Variants in KIF26B observed in about 807,000 individuals in gnomAD.
The protein encoded by KIF26B is kinesin family member 26B.
In KIF26B, 63 loss-of-function variants were observed where a neutral mutation model predicts 151.2. The ratio of observed to expected loss-of-function variants is 0.42; its 90% CI spans 0.34 to 0.51. The LOEUF (loss-of-function observed/expected upper bound fraction) is 0.51, where lower values mean the gene tolerates loss of function less well. Among genes scored for constraint, KIF26B ranks in the 20% least tolerant of loss-of-function variants. The probability of loss-of-function intolerance (pLI) is 0.07; values close to 1 mark genes in which losing one functional copy is unlikely to be tolerated. For synonymous variants in KIF26B, 1,357 were observed against 1,262.1 expected, an observed-to-expected ratio of 1.08 and a Z score of -1.59; for missense variants, 2,813 against 2,913.6, an observed-to-expected ratio of 0.97 and a Z score of 0.79.
At position 245,651,920 on chromosome 1, in the gene KIF26B, G is replaced by A. The variant is rs117441012; in HGVS notation, c.2258+5640G>A. On this transcript the variant is annotated intron_variant, in intron 10 of 14. Transcript: ENST00000407071. ...AAAAGGTAAAAGGGTTTGGGACTGC[G>A]GAGCCATGGCATTGAATTCCCATCT... Among the ~76,000 whole-genome samples the A allele has an allele frequency of 1.2e-3, 187 of 152,198 alleles. 1 individual carries two copies. In the East Asian group the frequency reaches 0.027, roughly 22 times the overall value.
chr1:245,673,471 G>T (rs1019370498), intron 10 of KIF26B, among the ~76,000 whole-genome samples: 4 of 152,232 alleles, frequency 2.6e-5, no homozygotes, highest in Non-Finnish European at 5.9e-5. Flanking sequence ...TTTGCTTAGG[G>T]GGCAGATAGA....
At chr1:245,370,319 G>A (rs1206075889) in intron 3 of KIF26B, among the ~76,000 whole-genome samples, 1 of 151,950 alleles carries the variant, frequency 6.6e-6, no homozygotes, top group East Asian at 1.9e-4. Flanking sequence ...TCCACGCTAT[G>A]GAGATGTCCT....
At chr1:245,500,741 G>C (rs1660603872) in intron 4 of KIF26B, among the ~76,000 whole-genome samples, 1 of 152,248 alleles carries the variant, frequency 6.6e-6, no homozygotes, top group Non-Finnish European at 1.5e-5. Flanking sequence ...AATCAGAGGA[G>C]GAATTCCGAA....
At chr1:245,297,733 G>A (rs1671362974) in intron 2 of KIF26B, among the ~76,000 whole-genome samples, 1 of 152,194 alleles carries the variant, frequency 6.6e-6, no homozygotes, top group African/African-American at 2.4e-5. Context: ...GCTAGTTGAT[G>A]GGAGTGGGAC....
intron 2 of KIF26B, among the ~76,000 whole-genome samples, chr1:245,295,756 T>C (rs567683853): frequency 6.6e-6 from 1 of 152,242 alleles, no homozygotes; most frequent in African/African-American, 2.4e-5. Flanking sequence ...TAAGATATCC[T>C]GTAAGTCCAT....
At chr1:245,657,212 G>A (rs2044084443) in intron 10 of KIF26B, among the ~76,000 whole-genome samples, 1 of 152,096 alleles carries the variant, frequency 6.6e-6, no homozygotes. Flanking sequence ...GCCCTGACAT[G>A]CCCATTTTTC....
At chr1:245,523,156 C>A (rs981345852) in intron 4 of KIF26B, among the ~76,000 whole-genome samples, 1 of 152,198 alleles carries the variant, frequency 6.6e-6, no homozygotes, top group Non-Finnish European at 1.5e-5. Context: ...AGATTTGAAA[C>A]CACACAGTTG....
intron 4 of KIF26B, among the ~76,000 whole-genome samples, chr1:245,466,178 G>T (rs1014006467): frequency 1.1e-5 from 1 of 93,698 alleles, no homozygotes; most frequent in East Asian, 2.6e-4. Context: ...GATTTAGATC[G>T]ATGGGAATGT....
chr1:245,580,028 C>T (rs567518931), intron 5 of KIF26B, among the ~76,000 whole-genome samples: 11 of 152,270 alleles, frequency 7.2e-5, no homozygotes, highest in African/African-American at 2.6e-4. Context: ...TTGGATACCT[C>T]TGCCCACTCC....
At chr1:245,403,297 G>A (rs1193238171) in intron 3 of KIF26B, among the ~76,000 whole-genome samples, 1 of 152,140 alleles carries the variant, frequency 6.6e-6, no homozygotes, top group Non-Finnish European at 1.5e-5. Flanking sequence ...GTTCTTAAAG[G>A]TTTATAGAAG....
chr1:245,159,377 C>A (rs1273252063), intron 2 of KIF26B, among the ~76,000 whole-genome samples: 2 of 152,146 alleles, frequency 1.3e-5, no homozygotes, highest in East Asian at 3.8e-4. Flanking sequence ...TCTTCTTCAC[C>A]ACTGATTTAC....
intron 5 of KIF26B, among the ~76,000 whole-genome samples, chr1:245,565,293 G>T (rs753240179): frequency 1.4e-3 from 204 of 147,850 alleles, no homozygotes; most frequent in Middle Eastern, 0.011. Context: ...GGGTTTTTTT[G>T]TTTTTTTTAT....
intron 4 of KIF26B, among the ~76,000 whole-genome samples, chr1:245,522,204 G>A (rs1192688576): frequency 2.6e-5 from 4 of 152,254 alleles, no homozygotes; most frequent in African/African-American, 9.6e-5. Flanking sequence ...GACCACGCTG[G>A]TAGATGCCTG....
chr1:245,385,487 G>A (rs1313848204), intron 3 of KIF26B, among the ~76,000 whole-genome samples: 3 of 152,206 alleles, frequency 2.0e-5, no homozygotes, highest in Admixed American at 6.5e-5. Flanking sequence ...ACGCTGTCTG[G>A]AGTACTTTTA....
intron 12 of KIF26B, among the ~76,000 whole-genome samples, chr1:245,695,305 A>G (rs1458636693): frequency 6.6e-6 from 1 of 152,044 alleles, no homozygotes; most frequent in Non-Finnish European, 1.5e-5. Flanking sequence ...TCCGCCCCTG[A>G]ACTCCCTTCA....
intron 2 of KIF26B, among the ~76,000 whole-genome samples, chr1:245,269,918 T>C (rs943591138): frequency 1.3e-5 from 2 of 152,218 alleles, no homozygotes; most frequent in Non-Finnish European, 2.9e-5. Context: ...GGAATGCAAA[T>C]ATTTCTTTGA....
At chr1:245,603,569 T>A (rs1290136809) in intron 6 of KIF26B, among the ~76,000 whole-genome samples, 2 of 152,080 alleles carry the variant, frequency 1.3e-5, no homozygotes, top group African/African-American at 4.8e-5. Context: ...CACATGTCTT[T>A]GGGGGTTGGC....
chr1:245,335,591 A>C (rs1449456081), intron 2 of KIF26B, among the ~76,000 whole-genome samples: 2 of 150,372 alleles, frequency 1.3e-5, no homozygotes, highest in Admixed American at 1.3e-4. Context: ...ACGCGGGAAA[A>C]GGAGAGTGCC....
At chr1:245,449,786 A>C (rs919741649) in intron 4 of KIF26B, among the ~76,000 whole-genome samples, 2 of 152,246 alleles carry the variant, frequency 1.3e-5, no homozygotes, top group African/African-American at 4.8e-5. Flanking sequence ...TCACTGCTGG[A>C]GAGGAACAAT....
Sources: allele counts gnomAD v4.1 joint callset (sites outside exome capture counted in the v4.1 genomes callset), GRCh38; gene constraint gnomAD v4.1.1; transcripts MANE v1.5; gene names NCBI Gene and HGNC (gene_info 2026-07-23, HGNC 2026-07-21).